Variants in ST14 observed in about 807,000 individuals in gnomAD.
ST14 encodes the protein suppressor of tumorigenicity 14 protein.
In ST14, 40 loss-of-function variants were observed where a neutral mutation model predicts 96.5. The ratio of observed to expected loss-of-function variants is 0.41; its 90% CI spans 0.32 to 0.54. The LOEUF (loss-of-function observed/expected upper bound fraction) is 0.54. ST14 is among the 20% of genes least tolerant of loss of function. ST14 has a pLI of 0.17. For synonymous variants in ST14, 506 were observed against 492.1 expected, an observed-to-expected ratio of 1.03 and a Z score of -0.37; for missense variants, 1,066 against 1,188.9, an observed-to-expected ratio of 0.90 and a Z score of 1.52.
At position 130,188,594 on chromosome 11, in the gene ST14, G is replaced by A; in HGVS notation, c.306G>A (p.Val102=). ...TGAGGATCACAAATGAGAATTTTGT[G>A]GATGCCTACGAGAACTCCAACTCCA... ...GYMRITNENF[V]DAYENSNSTE... is the part of the protein sequence containing the mutation. Residue 102 remains valine, a synonymous_variant, in exon 3 of 19, where the codon GTG becomes GTA. Coordinates refer to ENST00000278742, the MANE Select transcript of ST14 (RefSeq NM_021978.4). This position sits in a 1 kb window ranked among gnomAD's most constrained non-coding sequence, Gnocchi z 5.4. The A allele has an allele frequency of 6.2e-7, 1 of 1,614,240 alleles. No individual in the cohort carries two copies. Among genetic ancestry groups the A allele is most frequent in the Non-Finnish European group, 8.5e-7 (1 of 1,180,036 alleles).
At chr11:130,209,177 G>A (rs1046795582) in intron 17 of ST14, among the ~76,000 whole-genome samples, 2 of 152,062 alleles carry the variant, frequency 1.3e-5, no homozygotes, top group East Asian at 3.9e-4. Context: ...CCTTCCCTCC[G>A]CCTCTCTGCT....
chr11:130,194,505 T>C (rs1825005060), intron 8 of ST14, 135 bp from the exon 9 acceptor site: 19 of 1,151,766 alleles, frequency 1.6e-5, no homozygotes, highest in Non-Finnish European at 2.4e-5. Context: ...CACCTGGCCT[T>C]CCTGGCTGTG....
chr11:130,176,370 C>CT (rs796996153), intron 1 of ST14, among the ~76,000 whole-genome samples: 105 of 144,864 alleles, frequency 7.2e-4, no homozygotes, highest in Middle Eastern at 3.5e-3. Context: ...TTTACTTTTC[C>CT]TTTTTTTTTT....
chr11:130,189,209 G>C lies in ST14; in HGVS notation c.440+270G>C, dbSNP rs1022966361. ...ATGCCAGGAACGGCTGTGATTCTTTGTTGTTTTTCCAAATTTGGGTATGGG... is the reference window on the plus strand; with the variant it reads ...ATGCCAGGAACGGCTGTGATTCTTTCTTGTTTTTCCAAATTTGGGTATGGG... On this transcript the variant is annotated intron_variant, in intron 4 of 18. Coordinates refer to ENST00000278742, the MANE Select transcript of ST14 (RefSeq NM_021978.4). 7.1e-6 allele frequency: 4 copies of C among 566,222 alleles called. No individual in the cohort carries two copies. The East Asian group carries it at 1.2e-4, about 17-fold the overall frequency. The allele number at this position is 566,222 out of a possible 1,614,324, so 35.1% of individuals were successfully genotyped here. A position where few individuals can be genotyped will look rare whatever the true frequency, so the allele number is the denominator to read the frequency against.
intron 17 of ST14, 93 bp from the exon 18 acceptor site, chr11:130,209,349 G>C: frequency 6.6e-7 from 1 of 1,519,098 alleles, no homozygotes; most frequent in Non-Finnish European, 8.9e-7. Context: ...GGCTGTTCCA[G>C]AGTTTTCTAG....
In ST14 at chr11:130,210,357, T is replaced by A. The variant is rs1432866795; in HGVS notation, c.*534T>A. ...GTAAATGAGTAAAACATTTTATTTC[T>A]TTTTAGGTAAGTTTCTTTTCCTACT... On this transcript the variant is annotated 3_prime_UTR_variant, in exon 19 of 19. Transcript: ENST00000278742. The A allele has an allele frequency of 6.5e-6, 1 of 154,218 alleles. No homozygotes were observed. The highest frequency in any genetic ancestry group is 1.4e-5 in the Non-Finnish European group (1 of 69,462). The allele number at this position is 154,218 out of a possible 1,614,324, so 9.6% of individuals were successfully genotyped here.
At chr11:130,199,713 G>A (rs1437830173) in intron 15 of ST14, among the ~76,000 whole-genome samples, 2 of 152,226 alleles carry the variant, frequency 1.3e-5, no homozygotes, top group Non-Finnish European at 2.9e-5. Flanking sequence ...GGAGGGGGAG[G>A]TGGGAAGATG....
At chr11:130,206,045 G>A (rs1470702716) in intron 16 of ST14, among the ~76,000 whole-genome samples, 2 of 152,148 alleles carry the variant, frequency 1.3e-5, no homozygotes, top group African/African-American at 2.4e-5. Flanking sequence ...CAAGGGTCAC[G>A]CCTTGTATTT....
chr11:130,199,825 G>C (rs777125548), intron 15 of ST14, 126 bp from the exon 16 acceptor site: 32 of 1,161,414 alleles, frequency 2.8e-5, no homozygotes, highest in Admixed American at 5.1e-5. Context: ...GGCCACGCCA[G>C]CAGTGCTGTG....
rs745349208 is a variant in ST14 at position 130,189,783 on chromosome 11, C to G, written c.485C>G (p.Pro162Arg). ...IAYYWSEFSIPQHLVEEAERV... is the reference protein window; with the variant it reads ...IAYYWSEFSIRQHLVEEAERV... ...TACTACTGGTCTGAGTTCAGCATCC[C>G]GCAGCACCTGGTGGAGGAGGCCGAG... The change falls in exon 5 of 19, where the codon CCG becomes CGG. Residue 162 changes from proline (P) to arginine (R), a missense_variant. Coordinates refer to ENST00000278742, the MANE Select transcript of ST14 (RefSeq NM_021978.4). The G allele has an allele frequency of 6.2e-7, 1 of 1,613,734 alleles. No homozygotes were observed. Among genetic ancestry groups the G allele is most frequent in the Admixed American group, 1.7e-5 (1 of 60,032 alleles).
intron 16 of ST14, among the ~76,000 whole-genome samples, chr11:130,207,896 T>C (rs1410502615): frequency 6.6e-6 from 1 of 151,938 alleles, no homozygotes; most frequent in East Asian, 1.9e-4. Context: ...CATGATGAAA[T>C]CCCGTCTCTA....
In ST14 at chr11:130,198,566, G is replaced by A; in HGVS notation, c.1629G>A (p.Gln543=). ...SNGKCLSKSQ[Q]CNGKDDCGDG... ...GGAAGTGCCTCTCGAAAAGCCAGCA[G>A]TGCAATGGGAAGGACGACTGTGGGG... The change falls in exon 14 of 19, where the codon CAG becomes CAA. Residue 543 remains glutamine (Q), a synonymous_variant. Coordinates refer to ENST00000278742, the MANE Select transcript of ST14 (RefSeq NM_021978.4). The A allele has an allele frequency of 6.2e-7, 1 of 1,614,134 alleles. No individual in the cohort carries two copies. Among genetic ancestry groups the A allele is most frequent in the African/African-American group, 1.3e-5 (1 of 75,058 alleles).
Position 130,209,904 on chromosome 11 carries a change from G to A in ST14, c.*81G>A. 6.5e-7 allele frequency: 1 copy of A among 1,547,404 alleles called. No individual in the cohort carries two copies. Among genetic ancestry groups the A allele is most frequent in the Non-Finnish European group, 8.8e-7 (1 of 1,136,032 alleles). On this transcript the variant is annotated 3_prime_UTR_variant, in exon 19 of 19. Transcript: ENST00000278742. ...TGTGCACGCCTGCAGGCTGGAGACTGGACCGCTGACTGCACCAGCGCCCCC... is the reference window on the plus strand; with the variant it reads ...TGTGCACGCCTGCAGGCTGGAGACTAGACCGCTGACTGCACCAGCGCCCCC...
At chr11:130,204,690 C>T (rs1451148442) in intron 16 of ST14, among the ~76,000 whole-genome samples, 1 of 151,538 alleles carries the variant, frequency 6.6e-6, no homozygotes, top group Admixed American at 6.6e-5. Flanking sequence ...CATGCACCTG[C>T]ACTCCCAGCT....
chr11:130,188,858 C>T lies in ST14; in HGVS notation c.370-11C>T. ...GCATGGGGCTCACCTTGAGTCTCTG[C>T]CCTTCCTCAGCTGAAGCTGCTGTAC... On this transcript the variant is annotated splice_polypyrimidine_tract_variant and intron_variant, in intron 3 of 18. Coordinates refer to ENST00000278742, the MANE Select transcript of ST14 (RefSeq NM_021978.4). This position sits in a 1 kb window ranked among gnomAD's most constrained non-coding sequence, Gnocchi z 5.4. 2 of 1,612,246 alleles carry T rather than the reference C, an allele frequency of 1.2e-6. No homozygotes were observed. The highest frequency in any genetic ancestry group is 1.7e-6 in the Non-Finnish European group (2 of 1,179,326).
Position 130,208,466 on chromosome 11 carries a change from G to C in ST14, c.2051G>C (p.Arg684Pro), listed in dbSNP as rs770526549. 6.2e-7 allele frequency: 1 copy of C among 1,614,178 alleles called. No individual in the cohort carries two copies. Among genetic ancestry groups the C allele is most frequent in the African/African-American group, 1.3e-5 (1 of 75,082 alleles). Residue 684 changes from arginine (R) to proline (P), a missense_variant, in exon 17 of 19, where the codon CGC becomes CCC. Arg to Pro is a moderately radical substitution (Grantham distance 103). Transcript: ENST00000278742. ...CTGGGCTTGCACGACCAGAGCCAGCGCAGCGCCCCTGGGGTGCAGGAGCGC... is the reference window on the plus strand; with the variant it reads ...CTGGGCTTGCACGACCAGAGCCAGCCCAGCGCCCCTGGGGTGCAGGAGCGC... ...AFLGLHDQSQ[R>P]SAPGVQERRL... is the part of the protein sequence containing the mutation.
chr11:130,179,910 C>T (rs977057209), intron 1 of ST14, among the ~76,000 whole-genome samples: 1 of 152,198 alleles, frequency 6.6e-6, no homozygotes, highest in African/African-American at 2.4e-5. Context: ...CGGTCTTTCC[C>T]TTGCAAAGGA....
intron 1 of ST14, among the ~76,000 whole-genome samples, chr11:130,180,856 C>A (rs1452939193): frequency 6.6e-6 from 1 of 152,080 alleles, no homozygotes; most frequent in Non-Finnish European, 1.5e-5. Flanking sequence ...TTTTGGAGAG[C>A]CCGGCCTTGG....
intron 1 of ST14, among the ~76,000 whole-genome samples, chr11:130,164,771 T>C (rs1319013098): frequency 6.8e-6 from 1 of 147,934 alleles, no homozygotes. Context: ...GGAGTTTCGC[T>C]CTTTTTGCCC....
Sources: allele counts gnomAD v4.1 joint callset (sites outside exome capture counted in the v4.1 genomes callset), GRCh38; gene constraint gnomAD v4.1.1; non-coding constraint Gnocchi (gnomAD v3.1); transcripts MANE v1.5; gene names NCBI Gene and HGNC (gene_info 2026-07-23, HGNC 2026-07-21).